SNW1: variants seen among roughly 807,000 people sequenced by gnomAD.
The protein encoded by SNW1 is SNW domain containing 1.
SNW1 carries 9 observed loss-of-function variants against 75.6 expected under a neutral mutation model. That is an observed-to-expected ratio of 0.12 (90% CI 0.07 to 0.21). The LOEUF (loss-of-function observed/expected upper bound fraction) is 0.21. Ranked by LOEUF, SNW1 falls within the 10% of genes least tolerant of loss-of-function variation. The pLI is 1.00. For synonymous variants in SNW1, 200 were observed against 219.1 expected, an observed-to-expected ratio of 0.91 and a Z score of 0.77; for missense variants, 409 against 670.9, an observed-to-expected ratio of 0.61 and a Z score of 4.31.
At chr14:77,760,725 G>A (rs908216136) in intron 1 of SNW1, 1 of 702,454 alleles carries the variant, frequency 1.4e-6, no homozygotes. Flanking sequence ...CCGGAAAGCC[G>A]CGCAGTCGCA....
chr14:77,734,557 G>A (rs181303136), intron 8 of SNW1, among the ~76,000 whole-genome samples: 100 of 152,306 alleles, frequency 6.6e-4, no homozygotes, highest in Non-Finnish European at 1.1e-3. Flanking sequence ...GGCCAACAGG[G>A]TGAAACCCCG....
At chr14:77,750,719 G>A (rs2080801122) in intron 3 of SNW1, among the ~76,000 whole-genome samples, 1 of 152,024 alleles carries the variant, frequency 6.6e-6, no homozygotes, top group African/African-American at 2.4e-5. Context: ...CCTGAGTGTA[G>A]CTGTTCTGTG....
At chr14:77,757,103 A>G (rs897509109) in intron 1 of SNW1, among the ~76,000 whole-genome samples, 2 of 152,212 alleles carry the variant, frequency 1.3e-5, no homozygotes, top group African/African-American at 4.8e-5. Flanking sequence ...CTTGGATAGT[A>G]AGCATACCTA....
chr14:77,719,118 G>C (rs79381682), intron 12 of SNW1, among the ~76,000 whole-genome samples: 66 of 152,010 alleles, frequency 4.3e-4, no homozygotes, highest in Non-Finnish European at 1.9e-4. Flanking sequence ...TGCCCAGGCC[G>C]GTCTTAAACT....
At chr14:77,752,931 C>T (rs1464128802) in intron 2 of SNW1, among the ~76,000 whole-genome samples, 2 of 152,150 alleles carry the variant, frequency 1.3e-5, no homozygotes, top group East Asian at 3.8e-4. Context: ...TTAAAGCATT[C>T]CTAAGATAAG....
chr14:77,746,969 C>T (rs375373157), intron 3 of SNW1, among the ~76,000 whole-genome samples: 9 of 151,950 alleles, frequency 5.9e-5, no homozygotes, highest in East Asian at 1.9e-4. Flanking sequence ...GATGCTGAGC[C>T]GAGGCTGGAC....
At chr14:77,733,742 C>CAAAAA (rs35483765) in intron 8 of SNW1, among the ~76,000 whole-genome samples, 6 of 64,852 alleles carry the variant, frequency 9.3e-5, no homozygotes, top group Admixed American at 2.5e-4. Context: ...GAGACCGTCT[C>CAAAAA]AAAAAAAAAA....
rs917505060 is a variant in SNW1 at position 77,751,860 on chromosome 14, C to T, written c.169-380G>A. 1.3e-5 allele frequency among the ~76,000 whole-genome samples: 2 copies of T among 148,874 alleles called. 1 individual carries two copies. Among genetic ancestry groups the T allele is most frequent in the East Asian group, 4.0e-4 (2 of 4,986 alleles). On this transcript the variant is annotated intron_variant, in intron 2 of 13. Transcript: ENST00000261531. ...CACACACACACCACACACACACACA[C>T]ACAAAGCATTTTCTAGATGGATCAA...
intron 12 of SNW1, among the ~76,000 whole-genome samples, chr14:77,719,950 C>A (rs1351522647): frequency 6.6e-6 from 1 of 152,236 alleles, no homozygotes; most frequent in Non-Finnish European, 1.5e-5. Flanking sequence ...TGCGCATGCG[C>A]CCGCGTGTGT....
intron 5 of SNW1, among the ~76,000 whole-genome samples, chr14:77,738,573 A>C (rs1368068265): frequency 6.6e-6 from 1 of 152,216 alleles, no homozygotes; most frequent in Non-Finnish European, 1.5e-5. Flanking sequence ...CAGAAACTTT[A>C]TCTCAGAAAA....
chr14:77,757,181 G>A (rs112682071), intron 1 of SNW1, among the ~76,000 whole-genome samples: 3 of 151,202 alleles, frequency 2.0e-5, no homozygotes, highest in African/African-American at 7.3e-5. Flanking sequence ...CTAGGCATGA[G>A]ACTATAAATG....
chr14:77,720,931 T>A, intron 11 of SNW1, 103 bp from the exon 12 acceptor site: 1 of 741,422 alleles, frequency 1.3e-6, no homozygotes, highest in Non-Finnish European at 2.4e-6. Flanking sequence ...TGTGAATATG[T>A]CACATTCACA....
intron 8 of SNW1, among the ~76,000 whole-genome samples, chr14:77,733,742 C>CAAAAAAAAA (rs35483765): frequency 2.2e-4 from 14 of 64,858 alleles, no homozygotes; most frequent in East Asian, 1.1e-3. Context: ...GAGACCGTCT[C>CAAAAAAAAA]AAAAAAAAAA....
At chr14:77,758,315 CAAAAAAAA>C (rs55707854) in intron 1 of SNW1, among the ~76,000 whole-genome samples, 1 of 85,834 alleles carries the variant, frequency 1.2e-5, no homozygotes. Flanking sequence ...GACTCTGCCA[CAAAAAAAA>C]AAAAAAAAAA....
At chr14:77,732,388 G>A (rs894173035) in intron 9 of SNW1, 97 bp downstream of exon 9, 9 of 736,730 alleles carry the variant, frequency 1.2e-5, no homozygotes, top group East Asian at 9.9e-5. Flanking sequence ...GACTCTCTTT[G>A]GGTGCTCGGT....
chr14:77,755,823 C>T (rs921720906), intron 1 of SNW1, among the ~76,000 whole-genome samples: 1 of 151,842 alleles, frequency 6.6e-6, no homozygotes, highest in South Asian at 2.1e-4. Context: ...ACTGCAGCCT[C>T]CACCTCCTGG....
Position 77,718,276 on chromosome 14 carries a change from C to T in SNW1, c.1423G>A (p.Asp475Asn), listed in dbSNP as rs201009708. 8 of 1,613,484 alleles carry T rather than the reference C, an allele frequency of 5.0e-6. 1 individual carries two copies. Among genetic ancestry groups the T allele is most frequent in the South Asian group, 2.2e-5 (2 of 91,048 alleles). The change falls in exon 14 of 14, where the codon GAC becomes AAC. Residue 475 changes from aspartate to asparagine, a missense_variant. Around this residue, in one of 9 missense-constraint regions of SNW1, gnomAD observed 126 missense variants for 167.6 expected, o/e 0.75. Coordinates refer to ENST00000261531, the MANE Select transcript of SNW1 (RefSeq NM_012245.3). Reference sequence around the variant, plus strand: ...CGGTCTGAACCAGAAAACTCCTTGTCGGGAACAAATCTAAGGAAAAGGAGA... The same window carrying T: ...CGGTCTGAACCAGAAAACTCCTTGTTGGGAACAAATCTAAGGAAAAGGAGA... Reference protein sequence around the residue: ...ARIKTNRFVPDKEFSGSDRRQ... With the variant: ...ARIKTNRFVPNKEFSGSDRRQ...
At chr14:77,725,723 C>T (rs1312039617) in intron 10 of SNW1, among the ~76,000 whole-genome samples, 1 of 152,038 alleles carries the variant, frequency 6.6e-6, no homozygotes, top group Non-Finnish European at 1.5e-5. Context: ...GTTGAGACCA[C>T]CCTGGGTGTA....
intron 11 of SNW1, among the ~76,000 whole-genome samples, chr14:77,721,785 T>C (rs1468417369): frequency 6.6e-6 from 1 of 152,202 alleles, no homozygotes; most frequent in East Asian, 1.9e-4. Flanking sequence ...TCTCACTCTG[T>C]CGCCCAGGCT....
Sources: gnomAD v4.1 joint callset for allele counts (sites outside exome capture counted in the v4.1 genomes callset) on GRCh38, gnomAD v4.1.1 for gene constraint, gnomAD v4.1.1 regional missense constraint, MANE v1.5 for transcripts, NCBI Gene and HGNC (gene_info 2026-07-23, HGNC 2026-07-21) for gene names.